The following HS6ST2 variants were observed in gnomAD, a reference collection of about 807,000 sequenced individuals.
HS6ST2 encodes heparan-sulfate 6-O-sulfotransferase 2.
In HS6ST2, 17 loss-of-function variants were observed where a neutral mutation model predicts 33.0. The ratio of observed to expected loss-of-function variants is 0.52; its 90% CI spans 0.35 to 0.77. The LOEUF (loss-of-function observed/expected upper bound fraction) is 0.77. Among genes scored for constraint, HS6ST2 ranks in the 30% least tolerant of loss-of-function variants. The probability of loss-of-function intolerance (pLI) is 0.01; values close to 1 mark genes in which losing one functional copy is unlikely to be tolerated. For synonymous variants in HS6ST2, 248 were observed against 237.1 expected (o/e 1.05, Z -0.42); for missense variants, 519 against 551.7 (o/e 0.94, Z 0.59).
intron 2 of HS6ST2, among the ~76,000 whole-genome samples, chrX:132,860,810 T>C (rs928588177): frequency 3.7e-4 from 28 of 75,216 alleles, no homozygotes; most frequent in African/African-American, 1.5e-3. Flanking sequence ...TTTTTGGACA[T>C]GGAGTCTTGC....
intron 2 of HS6ST2, among the ~76,000 whole-genome samples, chrX:132,757,163 G>C (rs1366858607): frequency 2.7e-5 from 3 of 111,469 alleles, no homozygotes; most frequent in Non-Finnish European, 5.7e-5. Context: ...CTAACAGCTG[G>C]GGCTATTTAG....
At chrX:132,946,741 A>G (rs2066961171) in intron 2 of HS6ST2, among the ~76,000 whole-genome samples, 1 of 111,980 alleles carries the variant, frequency 8.9e-6, no homozygotes, top group Admixed American at 9.5e-5. Flanking sequence ...CGTTGTGCAC[A>G]TGTACCCTAG....
chrX:132,739,149 G>A (rs958182206), intron 2 of HS6ST2, among the ~76,000 whole-genome samples: 2 of 111,618 alleles, frequency 1.8e-5, no homozygotes, highest in Non-Finnish European at 1.9e-5. Flanking sequence ...CACTAGACGC[G>A]CACCAGGGAT....
chrX:132,727,078 A>G (rs1014449595), intron 2 of HS6ST2, among the ~76,000 whole-genome samples: 1 of 110,996 alleles, frequency 9.0e-6, no homozygotes, highest in African/African-American at 3.3e-5. Context: ...CAAAACCCCA[A>G]TATGACTCTT....
chrX:132,880,593 A>T (rs2066158131), intron 2 of HS6ST2, among the ~76,000 whole-genome samples: 1 of 109,130 alleles, frequency 9.2e-6, no homozygotes, highest in Non-Finnish European at 1.9e-5. Context: ...TCGCAAATTT[A>T]GCAGAGACTA....
chrX:132,848,143 G>C (rs1170474797), intron 2 of HS6ST2, among the ~76,000 whole-genome samples: 2 of 111,841 alleles, frequency 1.8e-5, no homozygotes, highest in Non-Finnish European at 3.8e-5. Context: ...AGCAGGCTAA[G>C]AAGGCAATAA....
chrX:132,689,549 A>G (rs2064044563), intron 3 of HS6ST2, among the ~76,000 whole-genome samples: 1 of 112,070 alleles, frequency 8.9e-6, no homozygotes, highest in African/African-American at 3.2e-5. Context: ...GAAGCTTAAT[A>G]TTACATTTTA....
chrX:132,759,094 C>T (rs2064783135), intron 2 of HS6ST2, among the ~76,000 whole-genome samples: 2 of 111,703 alleles, frequency 1.8e-5, no homozygotes, highest in South Asian at 7.5e-4. Context: ...AAATTCCTTC[C>T]TTGGAATGTG....
chrX:132,903,689 C>T (rs1231276768), intron 2 of HS6ST2, among the ~76,000 whole-genome samples: 2 of 112,000 alleles, frequency 1.8e-5, no homozygotes, highest in East Asian at 5.6e-4. Flanking sequence ...CTTTGTTTTA[C>T]ATCACAATAT....
At chrX:132,952,938 A>G (rs1443459538) in intron 2 of HS6ST2, among the ~76,000 whole-genome samples, 1 of 111,842 alleles carries the variant, frequency 8.9e-6, no homozygotes, top group African/African-American at 3.3e-5. Context: ...TAGAGATGCT[A>G]AAAGTCTAGG....
chrX:132,943,444 G>A lies in HS6ST2; in HGVS notation c.947+13364C>T, dbSNP rs2066908395. The stretch of plus-strand genomic sequence containing the variant: ...ACCTCAGACGTACAAAGAGGAGCTG[G>A]TACCATTCCTTCTGAAACTATTCCA... On this transcript the variant is annotated intron_variant, in intron 2 of 4. Coordinates refer to ENST00000370833, the MANE Select transcript of HS6ST2 (RefSeq NM_001394073.1). Among the ~76,000 whole-genome samples the A allele has an allele frequency of 4.5e-5, 5 of 111,258 alleles. No individual in the cohort carries two copies. The Admixed American group carries it at 4.8e-4, about 11-fold the overall frequency.
chrX:132,738,994 C>T (rs1037371411), intron 2 of HS6ST2, among the ~76,000 whole-genome samples: 2 of 112,020 alleles, frequency 1.8e-5, no homozygotes, highest in African/African-American at 6.5e-5. Flanking sequence ...ATCTTATCCA[C>T]CAGCTACACA....
At chrX:132,953,922 A>AG (rs775670733) in intron 2 of HS6ST2, among the ~76,000 whole-genome samples, 1 of 111,600 alleles carries the variant, frequency 9.0e-6, no homozygotes, top group African/African-American at 3.3e-5. Flanking sequence ...TTTGCAAAAA[A>AG]CCCTTGTTCA....
chrX:132,716,805 C>T (rs1473410866), intron 2 of HS6ST2, among the ~76,000 whole-genome samples: 1 of 112,193 alleles, frequency 8.9e-6, no homozygotes, highest in East Asian at 2.8e-4. Flanking sequence ...TATCCCATTT[C>T]ATTTCCATGT....
chrX:132,806,529 G>A (rs193042253), intron 2 of HS6ST2, among the ~76,000 whole-genome samples: 25 of 109,604 alleles, frequency 2.3e-4, no homozygotes, highest in African/African-American at 5.2e-4. Flanking sequence ...GCAAGTGGTC[G>A]GCAAGGTGGC....
chrX:132,825,236 G>T (rs775690755), intron 2 of HS6ST2, among the ~76,000 whole-genome samples: 10 of 111,661 alleles, frequency 9.0e-5, no homozygotes, highest in African/African-American at 3.3e-4. Context: ...GTATGATACT[G>T]GGGTATACGA....
At chrX:132,860,495 T>C (rs749407420) in intron 2 of HS6ST2, among the ~76,000 whole-genome samples, 1 of 112,003 alleles carries the variant, frequency 8.9e-6, no homozygotes, top group African/African-American at 3.2e-5. Context: ...CTTCTACAGA[T>C]TATGTTTGAC....
chrX:132,641,461 G>A (rs992708933), intron 4 of HS6ST2, among the ~76,000 whole-genome samples: 1 of 112,522 alleles, frequency 8.9e-6, no homozygotes, highest in African/African-American at 3.2e-5. Context: ...TTGGTTTTCT[G>A]TTCCTGCATT....
intron 2 of HS6ST2, among the ~76,000 whole-genome samples, chrX:132,949,552 A>T (rs1249707132): frequency 5.4e-5 from 6 of 110,351 alleles, no homozygotes; most frequent in South Asian, 3.9e-4. Flanking sequence ...AGGGTTTATT[A>T]GGGCTGAGGC....
Sources: gnomAD v4.1 joint callset for allele counts (sites outside exome capture counted in the v4.1 genomes callset) on GRCh38, gnomAD v4.1.1 for gene constraint, MANE v1.5 for transcripts, NCBI Gene and HGNC (gene_info 2026-07-23, HGNC 2026-07-21) for gene names.